The following TRAP1 variants were observed in gnomAD, a reference collection of about 807,000 sequenced individuals.
The protein encoded by TRAP1 is TNF receptor associated protein 1.
In TRAP1, 102 loss-of-function variants were observed where a neutral mutation model predicts 89.1. The observed-to-expected ratio is 1.15, with a 90% CI of 0.98 to 1.35. The LOEUF is 1.35. Ranked by LOEUF, TRAP1 falls within the 40% of genes most tolerant of loss-of-function variation. The pLI is 0.00. For synonymous variants in TRAP1, 508 were observed against 388.0 expected, an observed-to-expected ratio of 1.31 and a Z score of -3.64; for missense variants, 1,256 against 945.3, an observed-to-expected ratio of 1.33 and a Z score of -4.31.
intron 8 of TRAP1, 91 bp downstream of exon 8, chr16:3,675,233 G>A (rs746302343): frequency 9.8e-5 from 126 of 1,284,578 alleles, no homozygotes; most frequent in African/African-American, 1.8e-4. Flanking sequence ...ACTCTGGGCC[G>A]CATCCCCTGG....
At chr16:3,711,752 A>C (rs550093585) in intron 1 of TRAP1, among the ~76,000 whole-genome samples, 12 of 152,230 alleles carry the variant, frequency 7.9e-5, no homozygotes, top group South Asian at 4.1e-4. Flanking sequence ...ACCACAAATA[A>C]ACTCCCTGAA....
At chr16:3,697,095 G>A (rs79145229) in intron 1 of TRAP1, among the ~76,000 whole-genome samples, 2,038 of 152,232 alleles carry the variant, frequency 0.013, 17 homozygotes, top group Middle Eastern at 0.027. Flanking sequence ...ATCAGTTTAC[G>A]TTCCCACAGC....
chr16:3,673,288 G>C (rs1048831092), intron 9 of TRAP1, among the ~76,000 whole-genome samples: 1 of 152,222 alleles, frequency 6.6e-6, no homozygotes, highest in African/African-American at 2.4e-5. Context: ...CGCAGCTCAT[G>C]GGACCCGGCC....
intron 3 of TRAP1, among the ~76,000 whole-genome samples, chr16:3,688,484 G>C (rs1192480817): frequency 6.6e-6 from 1 of 151,958 alleles, no homozygotes; most frequent in Non-Finnish European, 1.5e-5. Flanking sequence ...GCTAGGATTT[G>C]GGGGACTTTT....
chr16:3,662,496 G>C (rs137856170), intron 15 of TRAP1: 6 of 517,308 alleles, frequency 1.2e-5, no homozygotes, highest in African/African-American at 7.6e-5. Context: ...TTGGTGGGGG[G>C]AGTCTTAGCT....
In TRAP1 at chr16:3,671,914, A is replaced by T. The variant is rs920730128; in HGVS notation, c.1166-123T>A. 2.8e-5 allele frequency: 29 copies of T among 1,032,170 alleles called. No individual in the cohort carries two copies. In the Admixed American group the frequency reaches 5.2e-4, roughly 18 times the overall value. 63.9% of individuals were successfully genotyped at this position (1,032,170 alleles called of 1,614,324 possible). A position where few individuals can be genotyped will look rare whatever the true frequency, so the allele number is the denominator to read the frequency against. ...AACCCAGCACGTGTGCTAAGAGGGA[A>T]GCAGGGAGGCGGCACTGCCGGAGCT... is the stretch of plus-strand genomic sequence containing the variant. On this transcript the variant is annotated intron_variant, in intron 10 of 17. Coordinates refer to ENST00000246957, the MANE Select transcript of TRAP1 (RefSeq NM_016292.3).
rs140635146 is a variant in TRAP1 at position 3,705,199 on chromosome 16, G to C, written c.88+12222C>G. 7.9e-3 allele frequency among the ~76,000 whole-genome samples: 1,206 copies of C among 151,872 alleles called. 36 individuals are homozygous for C. In the South Asian group the frequency reaches 0.11, roughly 13 times the overall value. On this transcript the variant is annotated intron_variant, in intron 1 of 17. Coordinates refer to ENST00000246957, the MANE Select transcript of TRAP1 (RefSeq NM_016292.3). ...CCTGCCTCAGCGTCCCGAGTAGCTGGGACTACAGGCGCCCGCCACCACACC... is the reference window on the plus strand; with the variant it reads ...CCTGCCTCAGCGTCCCGAGTAGCTGCGACTACAGGCGCCCGCCACCACACC...
intron 1 of TRAP1, chr16:3,710,574 A>C (rs1156265164): frequency 1.3e-5 from 2 of 152,202 alleles, no homozygotes; most frequent in Non-Finnish European, 2.9e-5. Flanking sequence ...TTCTCATCAT[A>C]ATGGTTAAAA....
At chr16:3,665,873 C>T in intron 12 of TRAP1, 98 bp downstream of exon 12, 1 of 1,458,512 alleles carries the variant, frequency 6.9e-7, no homozygotes, top group Non-Finnish European at 9.2e-7. Context: ...GGGTACCCAG[C>T]TGCACCGTCG....
intron 1 of TRAP1, among the ~76,000 whole-genome samples, chr16:3,698,900 A>G (rs2051327420): frequency 6.6e-6 from 1 of 152,100 alleles, no homozygotes; most frequent in Admixed American, 6.6e-5. Flanking sequence ...AAAAAATTAA[A>G]AATTAAAAAA....
rs115548635 is a variant in TRAP1 at position 3,680,904 on chromosome 16, C to A, written c.472-1114G>T. Reference sequence around the variant, plus strand: ...AATCTGCTGGCCCCTTGCTCTTGGACCTCCCAGCCTCTAGAACTGTAAGCA... The same window carrying A: ...AATCTGCTGGCCCCTTGCTCTTGGAACTCCCAGCCTCTAGAACTGTAAGCA... On this transcript the variant is annotated intron_variant, in intron 4 of 17. Coordinates refer to ENST00000246957, the MANE Select transcript of TRAP1 (RefSeq NM_016292.3). 9.3e-3 allele frequency among the ~76,000 whole-genome samples: 1,410 copies of A among 152,292 alleles called. 17 individuals carry two copies. The highest frequency in any genetic ancestry group is 0.026 in the African/African-American group (1,087 of 41,570).
intron 1 of TRAP1, among the ~76,000 whole-genome samples, chr16:3,709,841 G>A (rs1033679475): frequency 6.6e-6 from 1 of 152,150 alleles, no homozygotes; most frequent in African/African-American, 2.4e-5. Flanking sequence ...GTAGAGACAG[G>A]GTTTCTCCAT....
chr16:3,671,883 G>C, intron 10 of TRAP1, 92 bp from the exon 11 acceptor site: 2 of 1,363,164 alleles, frequency 1.5e-6, no homozygotes, highest in Middle Eastern at 1.8e-4. Context: ...TTCAGGCCTG[G>C]CCTTCAACCC....
chr16:3,676,096 T>C lies in TRAP1; in HGVS notation c.754A>G (p.Lys252Glu), dbSNP rs372179545. The change falls in exon 7 of 18, where the codon AAA (lysine) becomes GAA (glutamate). Residue 252 changes from lysine (K) to glutamate (E), a missense_variant. By Grantham distance (56) the Lys-to-Glu change is moderately conservative. Transcript: ENST00000246957. ...AEASGVRTGTKIIIHLKSDCK... is the reference protein window; with the variant it reads ...AEASGVRTGTEIIIHLKSDCK... Reference sequence around the variant, plus strand: ...TCGGATTTCAGGTGGATGATGATTTTTGTCCCGGTTCTAACTCCCGAAGCT... The same window carrying C: ...TCGGATTTCAGGTGGATGATGATTTCTGTCCCGGTTCTAACTCCCGAAGCT... 6.5e-5 allele frequency: 105 copies of C among 1,613,828 alleles called. No individual in the cohort carries two copies. The highest frequency in any genetic ancestry group is 8.6e-5 in the Non-Finnish European group (102 of 1,179,932).
In TRAP1 at chr16:3,686,137, C is replaced by T. The variant is rs1489444227; in HGVS notation, c.331-1G>A. ...TGGAGATCAGCTCCCGTATAAACACCTACAGGAATAGAAATGGGAGGCACA... is the reference window on the plus strand; with the variant it reads ...TGGAGATCAGCTCCCGTATAAACACTTACAGGAATAGAAATGGGAGGCACA... On this transcript the variant is annotated splice_acceptor_variant, in intron 3 of 17. Coordinates refer to ENST00000246957, the MANE Select transcript of TRAP1 (RefSeq NM_016292.3). LOFTEE classifies it high-confidence loss of function. The T allele has an allele frequency of 1.9e-5, 30 of 1,613,600 alleles. No homozygotes were observed. The highest frequency in any genetic ancestry group is 6.7e-5 in the Admixed American group (4 of 59,974).
intron 1 of TRAP1, among the ~76,000 whole-genome samples, chr16:3,699,991 A>G (rs186314347): frequency 6.6e-6 from 1 of 150,730 alleles, no homozygotes; most frequent in Non-Finnish European, 1.5e-5. Flanking sequence ...TGCTCATTTG[A>G]AACTGCTGCT....
At chr16:3,680,721 G>A (rs1457844556) in intron 4 of TRAP1, among the ~76,000 whole-genome samples, 1 of 152,208 alleles carries the variant, frequency 6.6e-6, no homozygotes, top group East Asian at 1.9e-4. Flanking sequence ...ACTGGGAGGG[G>A]GGCCTTGGGG....
intron 3 of TRAP1, among the ~76,000 whole-genome samples, chr16:3,686,476 A>C (rs1035586741): frequency 1.3e-5 from 2 of 152,082 alleles, no homozygotes; most frequent in African/African-American, 4.8e-5. Context: ...CACCACACCC[A>C]GCTAATTGTT....
chr16:3,689,065 G>A lies in TRAP1; in HGVS notation c.320C>T (p.Ser107Leu). 2 of 1,611,738 alleles carry A rather than the reference G, an allele frequency of 1.2e-6. No individual in the cohort carries two copies. The highest frequency in any genetic ancestry group is 8.5e-7 in the Non-Finnish European group (1 of 1,178,966). The change falls in exon 3 of 18, where the codon TCA (serine) becomes TTA (leucine). Residue 107 changes from serine to leucine, a missense_variant. Physicochemically the swap from Ser to Leu is moderately radical, Grantham distance 145. Coordinates refer to ENST00000246957, the MANE Select transcript of TRAP1 (RefSeq NM_016292.3). ...TAGCAGGGAACGCACCTCTTTTTCT[G>A]AGTACAGGGACCGGGCAACAATGTC... ...LLDIVARSLY[S>L]EKEVFIRELI...
Sources: allele counts gnomAD v4.1 joint callset (sites outside exome capture counted in the v4.1 genomes callset), GRCh38; gene constraint gnomAD v4.1.1; transcripts MANE v1.5; gene names NCBI Gene and HGNC (gene_info 2026-07-23, HGNC 2026-07-21).